NCAM2: variants seen among roughly 807,000 people sequenced by gnomAD.
NCAM2 encodes neural cell adhesion molecule 2.
In NCAM2, 30 loss-of-function variants were observed where a neutral mutation model predicts 98.1. The ratio of observed to expected loss-of-function variants is 0.31; its 90% confidence interval spans 0.23 to 0.41. The LOEUF is 0.41. NCAM2 is among the 10% of genes least tolerant of loss of function. The pLI, the probability that NCAM2 is intolerant of heterozygous loss-of-function variation, is 1.00. For missense variants in NCAM2, 867 were observed against 1,005.8 expected, an observed-to-expected ratio of 0.86 and a Z score of 1.87; for synonymous variants, 368 against 342.4, an observed-to-expected ratio of 1.07 and a Z score of -0.83.
intron 1 of NCAM2, among the ~76,000 whole-genome samples, chr21:21,080,383 G>A (rs114480535): frequency 0.048 from 7,318 of 152,004 alleles, 603 homozygotes; most frequent in African/African-American, 0.17. Flanking sequence ...TTGGGAGGCC[G>A]AGGTAGGCAG....
chr21:21,004,518 CAT>C (rs1020423147), intron 1 of NCAM2, among the ~76,000 whole-genome samples: 3 of 152,074 alleles, frequency 2.0e-5, no homozygotes, highest in Non-Finnish European at 4.4e-5. Context: ...TAAAAATTTG[CAT>C]GTGTGTGGAA....
chr21:21,201,059 G>C (rs145014439), intron 1 of NCAM2, among the ~76,000 whole-genome samples: 240 of 152,180 alleles, frequency 1.6e-3, no homozygotes, highest in Admixed American at 2.8e-3. Context: ...TAATGAAAGT[G>C]AAACTTAATG....
intron 1 of NCAM2, among the ~76,000 whole-genome samples, chr21:21,131,506 C>T (rs1434438135): frequency 1.3e-5 from 2 of 152,170 alleles, no homozygotes; most frequent in Admixed American, 1.3e-4. Context: ...CTCCCAACCT[C>T]AGGTGATCCA....
intron 1 of NCAM2, among the ~76,000 whole-genome samples, chr21:21,238,579 A>C (rs2070938189): frequency 6.6e-6 from 1 of 150,958 alleles, no homozygotes; most frequent in South Asian, 2.1e-4. Flanking sequence ...ATTAAATTTA[A>C]AAATATATTT....
At chr21:21,253,522 C>A (rs2071548031) in intron 1 of NCAM2, among the ~76,000 whole-genome samples, 1 of 152,082 alleles carries the variant, frequency 6.6e-6, no homozygotes, top group African/African-American at 2.4e-5. Flanking sequence ...GAGGACACAG[C>A]TAGAAGGCTC....
At chr21:21,136,112 T>C (rs1323812282) in intron 1 of NCAM2, among the ~76,000 whole-genome samples, 1 of 152,208 alleles carries the variant, frequency 6.6e-6, no homozygotes, top group Admixed American at 6.5e-5. Flanking sequence ...TCTCTTTCTT[T>C]ACATCTGGAC....
chr21:21,501,580 C>A (rs1987636698), intron 15 of NCAM2, among the ~76,000 whole-genome samples: 1 of 149,040 alleles, frequency 6.7e-6, no homozygotes, highest in South Asian at 2.1e-4. Flanking sequence ...ATTAGACAGT[C>A]AATCAATGTT....
chr21:21,011,693 C>CT (rs1240486954), intron 1 of NCAM2, among the ~76,000 whole-genome samples: 6 of 151,926 alleles, frequency 3.9e-5, no homozygotes, highest in African/African-American at 1.5e-4. Flanking sequence ...AATGAAAAGA[C>CT]TAACTATGGA....
intron 1 of NCAM2, among the ~76,000 whole-genome samples, chr21:21,081,539 G>A (rs951661480): frequency 1.2e-4 from 19 of 152,056 alleles, no homozygotes; most frequent in East Asian, 1.9e-4. Context: ...GGTGGCTCAC[G>A]CCTGTAATCC....
intron 1 of NCAM2, among the ~76,000 whole-genome samples, chr21:21,159,181 C>G (rs908688213): frequency 6.6e-6 from 1 of 151,900 alleles, no homozygotes; most frequent in South Asian, 2.1e-4. Context: ...TAAAAAATAT[C>G]TTCATATAGC....
intron 8 of NCAM2, among the ~76,000 whole-genome samples, chr21:21,359,790 C>T (rs1404087045): frequency 2.0e-5 from 3 of 151,700 alleles, no homozygotes; most frequent in Non-Finnish European, 3.0e-5. Flanking sequence ...AATATAAAAT[C>T]GTATCACTAT....
intron 12 of NCAM2, among the ~76,000 whole-genome samples, chr21:21,442,349 G>T (rs1480373368): frequency 1.3e-5 from 2 of 152,130 alleles, no homozygotes; most frequent in African/African-American, 4.8e-5. Flanking sequence ...CCTTAGATGC[G>T]TAGGAACATG....
chr21:21,384,278 A>G (rs146341241), intron 9 of NCAM2, among the ~76,000 whole-genome samples: 109 of 151,866 alleles, frequency 7.2e-4, no homozygotes, highest in Admixed American at 2.2e-3. Context: ...TACATATTTT[A>G]TTTTATTTTT....
At chr21:21,333,164 G>A (rs944674823) in intron 6 of NCAM2, among the ~76,000 whole-genome samples, 4 of 152,076 alleles carry the variant, frequency 2.6e-5, no homozygotes, top group African/African-American at 9.7e-5. Flanking sequence ...TTTATTGGGA[G>A]GGAGTAATAA....
intron 9 of NCAM2, among the ~76,000 whole-genome samples, chr21:21,399,363 TTC>T (rs1486360127): frequency 4.6e-5 from 7 of 152,122 alleles, no homozygotes; most frequent in Admixed American, 4.6e-4. Flanking sequence ...AAATAACTCT[TTC>T]TGTTATTTGT....
intron 9 of NCAM2, among the ~76,000 whole-genome samples, chr21:21,395,443 G>T (rs1306922909): frequency 1.3e-5 from 2 of 152,096 alleles, no homozygotes; most frequent in African/African-American, 4.8e-5. Flanking sequence ...TGACCATACT[G>T]CCAAAAGCAG....
chr21:21,448,858 G>T (rs1980594552), intron 12 of NCAM2, among the ~76,000 whole-genome samples: 1 of 152,030 alleles, frequency 6.6e-6, no homozygotes, highest in Non-Finnish European at 1.5e-5. Context: ...GCATGTTGTG[G>T]AAAGGTTTCT....
At chr21:21,140,512 A>G (rs1037280981) in intron 1 of NCAM2, among the ~76,000 whole-genome samples, 8 of 152,196 alleles carry the variant, frequency 5.3e-5, no homozygotes, top group Admixed American at 2.0e-4. Context: ...CAAATGAAGT[A>G]TATTATAAAA....
At chr21:21,286,520 T>A in intron 4 of NCAM2, 108 bp downstream of exon 4, 2 of 1,211,456 alleles carry the variant, frequency 1.7e-6, no homozygotes, top group Non-Finnish European at 2.3e-6. Flanking sequence ...TGACCCCAAA[T>A]ATTCAACAAC....
Sources: gnomAD v4.1 joint callset for allele counts (sites outside exome capture counted in the v4.1 genomes callset) on GRCh38, gnomAD v4.1.1 for gene constraint, MANE v1.5 for transcripts, NCBI Gene and HGNC (gene_info 2026-07-23, HGNC 2026-07-21) for gene names.